The following PIR variants were observed in gnomAD, a reference collection of about 807,000 sequenced individuals.
PIR encodes pirin.
PIR carries 22 observed loss-of-function variants against 24.2 expected under a neutral mutation model. That is an observed-to-expected ratio of 0.91 (90% confidence interval 0.65 to 1.30). PIR has a LOEUF of 1.30. Among genes scored for constraint, PIR ranks in the 50% most tolerant of loss-of-function variants. The pLI is 0.00. For missense variants in PIR, 220 were observed against 220.3 expected, an observed-to-expected ratio of 1.00 and a Z score of 0.01; for synonymous variants, 80 against 79.6, an observed-to-expected ratio of 1.00 and a Z score of -0.03.
chrX:15,424,261 A>T (rs947794658), intron 6 of PIR, among the ~76,000 whole-genome samples: 1 of 112,346 alleles, frequency 8.9e-6, no homozygotes, highest in East Asian at 2.8e-4. Context: ...TGTCATCTGC[A>T]GCAACCTGGA....
intron 3 of PIR, among the ~76,000 whole-genome samples, chrX:15,475,422 G>A (rs1400615985): frequency 3.6e-5 from 4 of 111,541 alleles, no homozygotes; most frequent in South Asian, 7.6e-4. Context: ...AAGCAGGCAG[G>A]ATGGTTTTCT....
At chrX:15,441,094 T>C (rs183422702) in intron 5 of PIR, among the ~76,000 whole-genome samples, 215 of 111,833 alleles carry the variant, frequency 1.9e-3, no homozygotes, top group African/African-American at 5.9e-3. Flanking sequence ...GCAGACCTAA[T>C]GGAGCCACAT....
intron 6 of PIR, among the ~76,000 whole-genome samples, chrX:15,408,260 T>A (rs774190855): frequency 1.8e-5 from 2 of 111,898 alleles, no homozygotes; most frequent in Non-Finnish European, 3.8e-5. Flanking sequence ...CCCGGCCTGC[T>A]TTTTTGTACT....
chrX:15,452,560 C>T (rs978384879), intron 5 of PIR, among the ~76,000 whole-genome samples: 4 of 111,884 alleles, frequency 3.6e-5, no homozygotes, highest in African/African-American at 1.3e-4. Context: ...TTGTGGATGT[C>T]GGGACTGAGG....
At chrX:15,393,603 T>G (rs1404845188) in intron 8 of PIR, among the ~76,000 whole-genome samples, 1 of 110,739 alleles carries the variant, frequency 9.0e-6, no homozygotes, top group Non-Finnish European at 1.9e-5. Context: ...CAGCTCTGCC[T>G]CCTGTCAGAT....
At chrX:15,400,466 G>A (rs969638724) in intron 7 of PIR, among the ~76,000 whole-genome samples, 4 of 111,488 alleles carry the variant, frequency 3.6e-5, no homozygotes, top group African/African-American at 6.5e-5. Context: ...AAACCCCTTC[G>A]CTATGTTTTA....
intron 4 of PIR, among the ~76,000 whole-genome samples, chrX:15,459,203 A>G (rs1293107184): frequency 8.9e-6 from 1 of 111,808 alleles, no homozygotes; most frequent in Non-Finnish European, 1.9e-5. Flanking sequence ...AAGATAAATA[A>G]TACATTGTCT....
chrX:15,451,927 C>T (rs751616547), intron 5 of PIR, among the ~76,000 whole-genome samples: 6 of 111,989 alleles, frequency 5.4e-5, no homozygotes, highest in Non-Finnish European at 1.1e-4. Context: ...AAGTACTTTA[C>T]AAGTAATAGC....
intron 2 of PIR, among the ~76,000 whole-genome samples, chrX:15,484,522 T>C (rs772983672): frequency 9.1e-6 from 1 of 109,404 alleles, no homozygotes; most frequent in African/African-American, 3.3e-5. Flanking sequence ...ACCATGTTGC[T>C]CAGGCTAGTC....
At chrX:15,466,519 G>T (rs1279827889) in intron 3 of PIR, among the ~76,000 whole-genome samples, 1 of 111,890 alleles carries the variant, frequency 8.9e-6, no homozygotes, top group Non-Finnish European at 1.9e-5. Context: ...CAAACCTCAG[G>T]TTTGCCATTT....
chrX:15,413,548 G>T lies in PIR; in HGVS notation c.566-5998C>A, dbSNP rs113744460. 5.5e-3 allele frequency among the ~76,000 whole-genome samples: 615 copies of T among 111,563 alleles called. 4 individuals carry two copies. The highest frequency in any genetic ancestry group is 0.019 in the African/African-American group (574 of 30,665). ...ACCGTAAGATCTACTAGCTTGCCAAGAATAGGCATTTAACCCCCATCTTAT... is the reference window on the plus strand; with the variant it reads ...ACCGTAAGATCTACTAGCTTGCCAATAATAGGCATTTAACCCCCATCTTAT... On this transcript the variant is annotated intron_variant, in intron 6 of 9. Transcript: ENST00000380420.
At chrX:15,445,549 AAAAC>A (rs1370999182) in intron 5 of PIR, among the ~76,000 whole-genome samples, 1 of 112,331 alleles carries the variant, frequency 8.9e-6, no homozygotes, top group African/African-American at 3.2e-5. Flanking sequence ...ATTAAAAAAT[AAAAC>A]AAAGAGAGCA....
intron 3 of PIR, among the ~76,000 whole-genome samples, chrX:15,467,323 G>A (rs1377158458): frequency 1.8e-5 from 2 of 112,391 alleles, no homozygotes; most frequent in Non-Finnish European, 3.8e-5. Context: ...CCCCCATGCT[G>A]CCTCACAAAT....
intron 3 of PIR, among the ~76,000 whole-genome samples, chrX:15,471,255 A>C (rs1007940451): frequency 9.0e-6 from 1 of 111,026 alleles, no homozygotes; most frequent in Admixed American, 9.6e-5. Context: ...ATTGCAAATG[A>C]GTCACTTCTT....
At chrX:15,467,882 G>C (rs1227982318) in intron 3 of PIR, among the ~76,000 whole-genome samples, 1 of 111,194 alleles carries the variant, frequency 9.0e-6, no homozygotes, top group African/African-American at 3.3e-5. Flanking sequence ...AGAACCCCAG[G>C]ACCAGGCATG....
intron 5 of PIR, among the ~76,000 whole-genome samples, chrX:15,452,218 A>G (rs1340466374): frequency 8.9e-6 from 1 of 112,097 alleles, no homozygotes; most frequent in Non-Finnish European, 1.9e-5. Flanking sequence ...GAGAGCTGGC[A>G]ATAATATTGC....
intron 5 of PIR, among the ~76,000 whole-genome samples, chrX:15,451,123 G>A (rs1920962085): frequency 8.9e-6 from 1 of 111,774 alleles, no homozygotes; most frequent in Non-Finnish European, 1.9e-5. Flanking sequence ...ATTGCCCGAG[G>A]GACATGGGGT....
intron 3 of PIR, among the ~76,000 whole-genome samples, chrX:15,476,872 A>G (rs1922223112): frequency 8.9e-6 from 1 of 111,812 alleles, no homozygotes; most frequent in South Asian, 3.7e-4. Context: ...AGAACACATC[A>G]CTGTGGTGAT....
intron 1 of PIR, among the ~76,000 whole-genome samples, chrX:15,491,914 G>A (rs780211167): frequency 1.5e-4 from 17 of 110,554 alleles, no homozygotes; most frequent in Admixed American, 1.4e-3. Flanking sequence ...GCATTTCTCC[G>A]AACATATCCC....
Sources: gnomAD v4.1 joint callset for allele counts (sites outside exome capture counted in the v4.1 genomes callset) on GRCh38, gnomAD v4.1.1 for gene constraint, MANE v1.5 for transcripts, NCBI Gene and HGNC (gene_info 2026-07-23, HGNC 2026-07-21) for gene names.